PRDM2: variants seen among roughly 807,000 people sequenced by gnomAD.
PRDM2 encodes the protein PR domain zinc finger protein 2.
Under a neutral mutation model 130.0 loss-of-function variants are expected in PRDM2, and 30 were observed. That is an observed-to-expected ratio of 0.23 (90% CI 0.17 to 0.31). The LOEUF (loss-of-function observed/expected upper bound fraction) is 0.31, where lower values mean the gene tolerates loss of function less well. Among genes scored for constraint, PRDM2 ranks in the 10% least tolerant of loss-of-function variants. The pLI is 1.00. For synonymous variants in PRDM2, 871 were observed against 782.4 expected (o/e 1.11, Z -1.89); for missense variants, 2,011 against 2,108.4 (o/e 0.95, Z 0.90).
intron 8 of PRDM2, among the ~76,000 whole-genome samples, chr1:13,807,135 A>G (rs1353179942): frequency 1.3e-5 from 2 of 152,220 alleles, no homozygotes; most frequent in Non-Finnish European, 2.9e-5. Flanking sequence ...GGGAGCCAGG[A>G]GGCCTGAGTC....
At chr1:13,705,231 C>T (rs935514412) in intron 1 of PRDM2, 2 of 152,128 alleles carry the variant, frequency 1.3e-5, no homozygotes, top group African/African-American at 4.8e-5. Context: ...TATGATTAGT[C>T]TTTTTGATCG....
At chr1:13,756,104 T>TAC (rs1158574644) in intron 6 of PRDM2, among the ~76,000 whole-genome samples, 1 of 137,342 alleles carries the variant, frequency 7.3e-6, no homozygotes, top group Non-Finnish European at 1.6e-5. Flanking sequence ...AAAAAAAAAA[T>TAC]ACAAAAAAAT....
intron 6 of PRDM2, among the ~76,000 whole-genome samples, chr1:13,768,469 T>G (rs1247586470): frequency 6.6e-6 from 1 of 151,498 alleles, no homozygotes; most frequent in African/African-American, 2.4e-5. Flanking sequence ...AGTCTCCACC[T>G]CCCGGGTTCA....
intron 9 of PRDM2, among the ~76,000 whole-genome samples, chr1:13,819,567 T>A (rs937793883): frequency 2.1e-4 from 32 of 152,298 alleles, no homozygotes; most frequent in Admixed American, 6.5e-4. Flanking sequence ...AAATAATTTT[T>A]TAAAAAAATC....
chr1:13,748,619 T>C (rs185296878), intron 5 of PRDM2, among the ~76,000 whole-genome samples: 1 of 152,346 alleles, frequency 6.6e-6, no homozygotes, highest in Admixed American at 6.5e-5. Flanking sequence ...CAGTGGATCT[T>C]TTCTTCGGGA....
intron 8 of PRDM2, among the ~76,000 whole-genome samples, chr1:13,802,311 C>A (rs1645020883): frequency 6.6e-6 from 1 of 152,184 alleles, no homozygotes; most frequent in Admixed American, 6.5e-5. Context: ...CCAGGCCTCC[C>A]AAGACAAGCT....
intron 6 of PRDM2, among the ~76,000 whole-genome samples, chr1:13,751,748 GAAAAACA>G (rs1407878132): frequency 6.6e-6 from 1 of 152,140 alleles, no homozygotes; most frequent in Non-Finnish European, 1.5e-5. Context: ...GAGACAGAGA[GAAAAACA>G]AAGGGCTGAA....
intron 4 of PRDM2, among the ~76,000 whole-genome samples, chr1:13,736,025 C>T (rs1323147776): frequency 1.3e-5 from 2 of 151,928 alleles, no homozygotes; most frequent in African/African-American, 4.8e-5. Context: ...TCAAACAGCA[C>T]ATGCAGTTTT....
chr1:13,794,737 C>CTAA (rs1367758216), intron 8 of PRDM2, among the ~76,000 whole-genome samples: 1 of 152,200 alleles, frequency 6.6e-6, no homozygotes, highest in East Asian at 1.9e-4. Flanking sequence ...GATGTCCTCT[C>CTAA]TAATCTCAGT....
chr1:13,792,471 T>C (rs1452550066), intron 8 of PRDM2, among the ~76,000 whole-genome samples: 1 of 152,248 alleles, frequency 6.6e-6, no homozygotes, highest in Non-Finnish European at 1.5e-5. Flanking sequence ...GATTCAATTT[T>C]CCTTGCGGTA....
At chr1:13,719,667 A>T (rs113937293) in intron 2 of PRDM2, among the ~76,000 whole-genome samples, 1 of 152,208 alleles carries the variant, frequency 6.6e-6, no homozygotes, top group Admixed American at 6.5e-5. Context: ...TGTTCTTTTT[A>T]AAAAATGGTG....
chr1:13,742,467 G>A (rs1226672516), intron 5 of PRDM2, among the ~76,000 whole-genome samples: 1 of 152,164 alleles, frequency 6.6e-6, no homozygotes, highest in African/African-American at 2.4e-5. Context: ...CTCCCAAAGT[G>A]CTGGGATTAC....
intron 6 of PRDM2, among the ~76,000 whole-genome samples, chr1:13,752,640 G>A (rs1264860287): frequency 6.6e-6 from 1 of 152,202 alleles, no homozygotes. Context: ...CTTCCAGAGT[G>A]TAGATTATAA....
intron 6 of PRDM2, among the ~76,000 whole-genome samples, chr1:13,754,195 T>G (rs1355899339): frequency 6.6e-6 from 1 of 152,162 alleles, no homozygotes; most frequent in African/African-American, 2.4e-5. Flanking sequence ...ATGAGTATTT[T>G]TGGATTATGA....
intron 8 of PRDM2, among the ~76,000 whole-genome samples, chr1:13,805,799 G>A (rs1451714018): frequency 1.3e-5 from 2 of 152,172 alleles, no homozygotes; most frequent in Non-Finnish European, 2.9e-5. Context: ...AAGGTGCAAG[G>A]AGGGACCAGG....
intron 6 of PRDM2, chr1:13,772,224 A>G (rs1401971761): frequency 2.0e-5 from 3 of 152,230 alleles, no homozygotes; most frequent in Non-Finnish European, 4.4e-5. Flanking sequence ...GGTAATTAAA[A>G]AATGTAAAAG....
intron 6 of PRDM2, among the ~76,000 whole-genome samples, chr1:13,760,137 AGTAGAGT>A (rs1196966280): frequency 5.9e-5 from 9 of 152,212 alleles, no homozygotes; most frequent in Admixed American, 5.9e-4. Context: ...TTGGGGTTGT[AGTAGAGT>A]GCAGAAAATA....
intron 8 of PRDM2, among the ~76,000 whole-genome samples, chr1:13,790,619 G>GA: frequency 6.6e-6 from 1 of 152,332 alleles, no homozygotes; most frequent in East Asian, 1.9e-4. Context: ...TAAAGGTCCA[G>GA]ATTGGTGGGA....
rs146489908 is a variant in PRDM2, at chr1:13,820,554, C to T, written c.*24-2605C>T. 3.3e-3 allele frequency among the ~76,000 whole-genome samples: 497 copies of T among 152,380 alleles called. 4 individuals carry two copies. Among genetic ancestry groups the T allele is most frequent in the African/African-American group, 0.011 (478 of 41,596 alleles). On this transcript the variant is annotated intron_variant, in intron 9 of 9. Coordinates refer to ENST00000311066, the MANE Select transcript of PRDM2 (RefSeq NM_001393986.1). ...AAGGGACAGCCTCTCACCTGTTTGG[C>T]CACCATTGTGATCCTTCTCTCAGCT... is the stretch of plus-strand genomic sequence containing the variant.
Sources: gnomAD v4.1 joint callset for allele counts (sites outside exome capture counted in the v4.1 genomes callset) on GRCh38, gnomAD v4.1.1 for gene constraint, MANE v1.5 for transcripts, NCBI Gene and HGNC (gene_info 2026-07-23, HGNC 2026-07-21) for gene names.